The following DIAPH2 variants were observed in gnomAD, a reference collection of about 807,000 sequenced individuals.
DIAPH2 encodes protein diaphanous homolog 2.
A neutral mutation model predicts 92.7 loss-of-function variants in DIAPH2; 35 were observed. That is an observed-to-expected ratio of 0.38 (90% confidence interval 0.29 to 0.50). The LOEUF is 0.50. DIAPH2 is among the 20% of genes least tolerant of loss of function. DIAPH2 has a pLI of 0.94. For missense variants in DIAPH2, 701 were observed against 819.5 expected, an observed-to-expected ratio of 0.86 and a Z score of 1.77; for synonymous variants, 301 against 280.4, an observed-to-expected ratio of 1.07 and a Z score of -0.73.
At chrX:96,898,865 A>T (rs2065369035) in intron 5 of DIAPH2, among the ~76,000 whole-genome samples, 1 of 108,305 alleles carries the variant, frequency 9.2e-6, no homozygotes, top group South Asian at 4.2e-4. Context: ...TTTAGGTCTA[A>T]CGTTTAAGTC....
rs966213143 is a variant in DIAPH2 at position 96,881,867 on chromosome X, C to T, written c.587+149C>T. On this transcript the variant is annotated intron_variant, in intron 5 of 26. Coordinates refer to ENST00000324765, the MANE Select transcript of DIAPH2 (RefSeq NM_006729.5). ...AAACAGCAGCATCTGATTGTGAAGT[C>T]GTAAACTTTTAAAAATATATTTAGT... is the stretch of plus-strand genomic sequence containing the variant. 30 of 537,274 alleles carry T rather than the reference C, an allele frequency of 5.6e-5. 1 individual carries two copies. The Middle Eastern group carries it at 2.3e-3, about 40-fold the overall frequency. 44.3% of individuals were successfully genotyped at this position (537,274 alleles called of 1,213,427 possible). A position where few individuals can be genotyped will look rare whatever the true frequency, so the allele number is the denominator to read the frequency against.
chrX:97,081,373 TTCTC>T (rs761385485), intron 19 of DIAPH2, among the ~76,000 whole-genome samples: 5 of 112,362 alleles, frequency 4.4e-5, no homozygotes, highest in Non-Finnish European at 9.4e-5. Context: ...CTTATTTTTA[TTCTC>T]TCTATGTCTA....
At chrX:96,869,594 A>ACT (rs397951954) in intron 4 of DIAPH2, among the ~76,000 whole-genome samples, 39 of 108,419 alleles carry the variant, frequency 3.6e-4, no homozygotes, top group Middle Eastern at 4.8e-3. Flanking sequence ...TACTACTACT[A>ACT]ATACTAGTCT....
chrX:97,031,950 A>C (rs2066378309), intron 17 of DIAPH2, among the ~76,000 whole-genome samples: 2 of 111,856 alleles, frequency 1.8e-5, no homozygotes, highest in Admixed American at 1.9e-4. Flanking sequence ...TTAAGGTTTG[A>C]GAAACTGTGG....
At chrX:96,949,285 A>G (rs1489199523) in intron 15 of DIAPH2, among the ~76,000 whole-genome samples, 1 of 111,417 alleles carries the variant, frequency 9.0e-6, no homozygotes, top group East Asian at 2.8e-4. Context: ...TACACAAGCA[A>G]AAGTGTTTTT....
chrX:97,353,242 T>G (rs1360161621), intron 24 of DIAPH2, among the ~76,000 whole-genome samples: 1 of 111,236 alleles, frequency 9.0e-6, no homozygotes, highest in African/African-American at 3.2e-5. Flanking sequence ...TTCAAATAGT[T>G]GACTGCACAA....
At chrX:97,022,883 A>T (rs1022991799) in intron 17 of DIAPH2, among the ~76,000 whole-genome samples, 1 of 110,903 alleles carries the variant, frequency 9.0e-6, no homozygotes, top group African/African-American at 3.3e-5. Flanking sequence ...GGGAGACCCC[A>T]TCTCTACAAA....
intron 4 of DIAPH2, among the ~76,000 whole-genome samples, chrX:96,776,453 C>A (rs1304666687): frequency 9.1e-6 from 1 of 110,484 alleles, no homozygotes; most frequent in Non-Finnish European, 1.9e-5. Context: ...TCAAGTGATC[C>A]GCCTGCCTTG....
At chrX:96,963,369 A>G (rs942962655) in intron 16 of DIAPH2, among the ~76,000 whole-genome samples, 7 of 109,579 alleles carry the variant, frequency 6.4e-5, no homozygotes, top group Admixed American at 5.8e-4. Context: ...TCCCCAGGGC[A>G]GGATGTAGTC....
At chrX:97,597,638 A>G (rs138230839) in intron 26 of DIAPH2, among the ~76,000 whole-genome samples, 1,851 of 111,999 alleles carry the variant, frequency 0.017, 35 homozygotes, top group African/African-American at 0.057. Context: ...TCATGCTAGC[A>G]ATGCGGTGGG....
intron 1 of DIAPH2, among the ~76,000 whole-genome samples, chrX:96,731,010 C>A (rs1373406953): frequency 1.8e-5 from 2 of 110,539 alleles, no homozygotes; most frequent in Non-Finnish European, 3.8e-5. Context: ...AGTGGGGGAA[C>A]TTTTTGAGCC....
intron 26 of DIAPH2, among the ~76,000 whole-genome samples, chrX:97,554,871 T>C (rs2071246064): frequency 9.0e-6 from 1 of 111,689 alleles, no homozygotes; most frequent in Non-Finnish European, 1.9e-5. Context: ...ACTACATAAA[T>C]AAAATAAAAT....
intron 25 of DIAPH2, among the ~76,000 whole-genome samples, chrX:97,414,934 A>G (rs1031257610): frequency 4.5e-5 from 5 of 111,815 alleles, no homozygotes; most frequent in Admixed American, 3.8e-4. Context: ...ACAGAATGGG[A>G]GAAAATTTTC....
At chrX:96,816,700 T>G (rs779701039) in intron 4 of DIAPH2, among the ~76,000 whole-genome samples, 67 of 112,099 alleles carry the variant, frequency 6.0e-4, no homozygotes, top group Non-Finnish European at 8.3e-4. Flanking sequence ...AGCTACCATA[T>G]GATCCAGCAG....
At chrX:96,766,708 C>T (rs1316445650) in intron 4 of DIAPH2, among the ~76,000 whole-genome samples, 1 of 111,956 alleles carries the variant, frequency 8.9e-6, no homozygotes, top group African/African-American at 3.2e-5. Context: ...ATGAGTGATA[C>T]GAAAGCTAGA....
At chrX:97,022,574 T>C (rs1243541548) in intron 17 of DIAPH2, among the ~76,000 whole-genome samples, 1 of 112,305 alleles carries the variant, frequency 8.9e-6, no homozygotes, top group East Asian at 2.8e-4. Context: ...AGTAAAGTTA[T>C]TTCATTATAA....
Position 97,050,340 on chromosome X carries a change from TCTTTTC to T in DIAPH2, c.2051-22595_2051-22590del, listed in dbSNP as rs1487883219. Among the ~76,000 whole-genome samples, 6 of 110,597 alleles carry T rather than the reference TCTTTTC, an allele frequency of 5.4e-5. No homozygotes were observed. In the East Asian group the frequency reaches 1.7e-3, roughly 31 times the overall value. ...TAAATAAGTGCTGTTTTTTGAGTCATCTTTTCCTTTTGTTGCCTTTTGCTTTATGAA... is the reference window on the plus strand; with the variant it reads ...TAAATAAGTGCTGTTTTTTGAGTCATCTTTTGTTGCCTTTTGCTTTATGAA... On this transcript the variant is annotated intron_variant, in intron 17 of 26. Coordinates refer to ENST00000324765, the MANE Select transcript of DIAPH2 (RefSeq NM_006729.5).
chrX:96,990,664 G>A (rs1479447345), intron 17 of DIAPH2, among the ~76,000 whole-genome samples: 1 of 111,573 alleles, frequency 9.0e-6, no homozygotes, highest in East Asian at 2.8e-4. Flanking sequence ...AGTATATAGT[G>A]ATCAAATAAA....
rs755260315 is a variant in DIAPH2 at position 96,685,147 on chromosome X, A to G, written c.89A>G (p.Asn30Ser). Residue 30 changes from asparagine (N) to serine (S), a missense_variant, in exon 1 of 27, where the codon AAC (asparagine) becomes AGC (serine). Asn to Ser is a conservative substitution (Grantham distance 46, BLOSUM62 1). Coordinates refer to ENST00000324765, the MANE Select transcript of DIAPH2 (RefSeq NM_006729.5). ...CGGAGCAACAAGCGGAGCGCGGGGA[A>G]CCGGGCCGCCAATGAAGAGGAAACG... ...GGRSNKRSAG[N>S]RAANEEETKN... 1 of 1,014,621 alleles carries G rather than the reference A, an allele frequency of 9.9e-7. No homozygotes were observed. Among genetic ancestry groups the G allele is most frequent in the Non-Finnish European group, 1.3e-6 (1 of 792,257 alleles). The allele number at this position is 1,014,621 out of a possible 1,213,427, so 83.6% of individuals were successfully genotyped here.
Sources: allele counts gnomAD v4.1 joint callset (sites outside exome capture counted in the v4.1 genomes callset), GRCh38; gene constraint gnomAD v4.1.1; transcripts MANE v1.5; gene names NCBI Gene and HGNC (gene_info 2026-07-23, HGNC 2026-07-21).